BCAS3: variants seen among roughly 807,000 people sequenced by gnomAD.
BCAS3 encodes BCAS3 microtubule associated cell migration factor, also known as BCAS4/BCAS3 fusion.
In BCAS3, 53 loss-of-function variants were observed where a neutral mutation model predicts 116.1. That is an observed-to-expected ratio of 0.46 (90% CI 0.37 to 0.57). The LOEUF (loss-of-function observed/expected upper bound fraction) is 0.57, where lower values mean the gene tolerates loss of function less well. Ranked by LOEUF, BCAS3 falls within the 20% of genes least tolerant of loss-of-function variation. BCAS3 has a pLI of 0.00. For synonymous variants in BCAS3, 391 were observed against 408.2 expected, an observed-to-expected ratio of 0.96 and a Z score of 0.51; for missense variants, 917 against 1,165.4, an observed-to-expected ratio of 0.79 and a Z score of 3.10.
rs979862371 is a variant in BCAS3, at chr17:61,239,056, A to G, written c.2426-129271A>G. Among the ~76,000 whole-genome samples the G allele has an allele frequency of 4.6e-5, 7 of 152,248 alleles. No individual in the cohort carries two copies. The highest frequency in any genetic ancestry group is 1.2e-4 in the African/African-American group (5 of 41,476). On this transcript the variant is annotated intron_variant, in intron 22 of 23. Coordinates refer to ENST00000407086, the MANE Select transcript of BCAS3 (RefSeq NM_017679.5). The surrounding 1 kb of genome is among the most constrained non-coding windows in gnomAD (Gnocchi z 4.2). ...ATATTTTTAGCAATAGAAGCAATAT[A>G]GCATACCTTTGAGCCAGTTTTTCCT...
intron 5 of BCAS3, among the ~76,000 whole-genome samples, chr17:60,742,841 C>T (rs557208084): frequency 4.6e-5 from 7 of 151,378 alleles, no homozygotes; most frequent in African/African-American, 1.2e-4. Context: ...CGGCCAGGCA[C>T]GGTGGCTCAC....
chr17:61,309,459 C>A lies in BCAS3; in HGVS notation c.2426-58868C>A, dbSNP rs2054123825. Among the ~76,000 whole-genome samples the A allele has an allele frequency of 6.6e-6, 1 of 152,166 alleles. No homozygotes were observed. Among genetic ancestry groups the A allele is most frequent in the Non-Finnish European group, 1.5e-5 (1 of 68,040 alleles). On this transcript the variant is annotated intron_variant, in intron 22 of 23. Transcript: ENST00000407086. The surrounding 1 kb of genome is among the most constrained non-coding windows in gnomAD (Gnocchi z 4.6). ...CAGGAAGCCACCGACAGGGGCATAA[C>A]TGTGGACCTAAAGTGGACATCAGAG...
In BCAS3 at chr17:61,323,992, C is replaced by T. The variant is rs945126386; in HGVS notation, c.2426-44335C>T. ...GAGACGAGGTAAGAACTGTTAGTGT[C>T]TGTGAGATGTTTGGGGATTTCCAGC... On this transcript the variant is annotated intron_variant, in intron 22 of 23. Transcript: ENST00000407086. The surrounding 1 kb of genome is among the most constrained non-coding windows in gnomAD (Gnocchi z 4.6). Among the ~76,000 whole-genome samples the T allele has an allele frequency of 1.1e-4, 16 of 152,248 alleles. No homozygotes were observed. The highest frequency in any genetic ancestry group is 3.4e-4 in the African/African-American group (14 of 41,464).
Position 61,215,807 on chromosome 17 carries a change from C to A in BCAS3, c.2425+131243C>A, listed in dbSNP as rs974495348. On this transcript the variant is annotated intron_variant, in intron 22 of 23. Coordinates refer to ENST00000407086, the MANE Select transcript of BCAS3 (RefSeq NM_017679.5). This position sits in a 1 kb window ranked among gnomAD's most constrained non-coding sequence, Gnocchi z 4.8. ...ACTATATATTAGAATTCCTTGGAGA[C>A]CTTTTAAAAATTCCAGTTGAAGTTG... is the stretch of plus-strand genomic sequence containing the variant. 1.3e-5 allele frequency among the ~76,000 whole-genome samples: 2 copies of A among 152,128 alleles called. No individual in the cohort carries two copies. The highest frequency in any genetic ancestry group is 2.9e-5 in the Non-Finnish European group (2 of 68,020).
In BCAS3 at chr17:61,037,301, A is replaced by G. The variant is rs572057449; in HGVS notation, c.1763-588A>G. ...CATAATGTGGGACAAATTACATTGTAGACAAGTACAAAAGTCTATGAAGGA... is the reference window on the plus strand; with the variant it reads ...CATAATGTGGGACAAATTACATTGTGGACAAGTACAAAAGTCTATGAAGGA... On this transcript the variant is annotated intron_variant, in intron 17 of 23. Coordinates refer to ENST00000407086, the MANE Select transcript of BCAS3 (RefSeq NM_017679.5). This position sits in a 1 kb window ranked among gnomAD's most constrained non-coding sequence, Gnocchi z 4.7. Among the ~76,000 whole-genome samples the G allele has an allele frequency of 7.9e-5, 12 of 152,348 alleles. No individual in the cohort carries two copies. The highest frequency in any genetic ancestry group is 2.9e-4 in the African/African-American group (12 of 41,586).
chr17:60,969,061 G>C (rs2061814286), intron 14 of BCAS3, among the ~76,000 whole-genome samples: 1 of 152,038 alleles, frequency 6.6e-6, no homozygotes, highest in Non-Finnish European at 1.5e-5. Context: ...TACAGATCTG[G>C]AAGTCTGAAT....
Position 61,304,377 on chromosome 17 carries a change from A to G in BCAS3, c.2426-63950A>G, listed in dbSNP as rs115150316. On this transcript the variant is annotated intron_variant, in intron 22 of 23. Transcript: ENST00000407086. ...TGGTCAGGCTTCTGCCTGCCCCTGT[A>G]TCCACAGCTCTGACCACTTGCTGCC... Among the ~76,000 whole-genome samples, 1,058 of 152,320 alleles carry G rather than the reference A, an allele frequency of 6.9e-3. 12 individuals are homozygous for G. The highest frequency in any genetic ancestry group is 0.024 in the African/African-American group (998 of 41,576).
At chr17:60,893,641 C>G (rs1335636964) in intron 10 of BCAS3, among the ~76,000 whole-genome samples, 1 of 120,508 alleles carries the variant, frequency 8.3e-6, no homozygotes, top group African/African-American at 3.3e-5. Flanking sequence ...CAGAGTGTAG[C>G]TCTGTTGCCA....
intron 22 of BCAS3, among the ~76,000 whole-genome samples, chr17:61,242,971 G>T (rs796406329): frequency 2.4e-4 from 37 of 151,912 alleles, no homozygotes; most frequent in African/African-American, 8.9e-4. Context: ...GAGTGCAATG[G>T]TGCGATCTCG....
chr17:61,033,018 A>G (rs1681032390), intron 16 of BCAS3, among the ~76,000 whole-genome samples: 2 of 152,202 alleles, frequency 1.3e-5, no homozygotes, highest in African/African-American at 4.8e-5. Flanking sequence ...GCCTCAGGAA[A>G]TAAGATGTCT....
rs1265986794 is a variant in BCAS3, at chr17:61,180,162, A to G, written c.2425+95598A>G. ...TTTTGCCAAACATCATTAAGTCATT[A>G]GTGTAAGGGACTTGTTATGAAGGAC... On this transcript the variant is annotated intron_variant, in intron 22 of 23. Transcript: ENST00000407086. The surrounding 1 kb of genome is among the most constrained non-coding windows in gnomAD (Gnocchi z 6.0). Among the ~76,000 whole-genome samples, 1 of 152,122 alleles carries G rather than the reference A, an allele frequency of 6.6e-6. No individual in the cohort carries two copies. Among genetic ancestry groups the G allele is most frequent in the African/African-American group, 2.4e-5 (1 of 41,416 alleles).
intron 13 of BCAS3, among the ~76,000 whole-genome samples, chr17:60,942,699 T>C (rs2060288343): frequency 6.6e-6 from 1 of 152,188 alleles, no homozygotes; most frequent in African/African-American, 2.4e-5. Context: ...ACCTTATGTT[T>C]GCCAAAGAAA....
At chr17:60,932,252 C>G (rs1599772815) in intron 13 of BCAS3, among the ~76,000 whole-genome samples, 1 of 152,040 alleles carries the variant, frequency 6.6e-6, no homozygotes, top group East Asian at 1.9e-4. Context: ...ATTTTGTCCC[C>G]AAGTATTAGC....
chr17:60,987,842 C>G (rs1188317318), intron 14 of BCAS3, among the ~76,000 whole-genome samples: 1 of 152,084 alleles, frequency 6.6e-6, no homozygotes, highest in African/African-American at 2.4e-5. Flanking sequence ...ATTGCTCTGG[C>G]TAGGACTTCC....
At chr17:60,879,848 A>G (rs1182277203) in intron 9 of BCAS3, among the ~76,000 whole-genome samples, 12 of 152,264 alleles carry the variant, frequency 7.9e-5, no homozygotes, top group Admixed American at 7.8e-4. Context: ...TTAAGTTTTG[A>G]AAGAGGAGCT....
chr17:60,767,504 C>A (rs1207837765), intron 6 of BCAS3, among the ~76,000 whole-genome samples: 1 of 151,744 alleles, frequency 6.6e-6, no homozygotes, highest in East Asian at 1.9e-4. Flanking sequence ...ACCACCACTC[C>A]CGGCTAATTT....
intron 10 of BCAS3, among the ~76,000 whole-genome samples, chr17:60,896,791 C>A (rs7218029): frequency 0.31 from 47,151 of 151,784 alleles, 12,387 homozygotes; most frequent in African/African-American, 0.72. Flanking sequence ...GTTATTCTGT[C>A]TCTTTTAAGT....
Position 61,126,388 on chromosome 17 carries a change from G to A in BCAS3, c.2425+41824G>A, listed in dbSNP as rs140845084. The stretch of plus-strand genomic sequence containing the variant: ...AAAAAGAGCAGTGTATATGTGTCAT[G>A]TTATCGCACGTGAACCACTGCCTAT... On this transcript the variant is annotated intron_variant, in intron 22 of 23. Coordinates refer to ENST00000407086, the MANE Select transcript of BCAS3 (RefSeq NM_017679.5). This position sits in a 1 kb window ranked among gnomAD's most constrained non-coding sequence, Gnocchi z 4.6. 6.6e-6 allele frequency among the ~76,000 whole-genome samples: 1 copy of A among 152,150 alleles called. No homozygotes were observed. The highest frequency in any genetic ancestry group is 1.5e-5 in the Non-Finnish European group (1 of 67,992).
intron 22 of BCAS3, among the ~76,000 whole-genome samples, chr17:61,358,408 T>C (rs942002338): frequency 1.3e-5 from 2 of 152,170 alleles, no homozygotes; most frequent in Non-Finnish European, 2.9e-5. Flanking sequence ...AGCGTATTTA[T>C]GCATGACGGT....
Sources: gnomAD v4.1 joint callset for allele counts (sites outside exome capture counted in the v4.1 genomes callset) on GRCh38, gnomAD v4.1.1 for gene constraint, Gnocchi (gnomAD v3.1) non-coding constraint, MANE v1.5 for transcripts, NCBI Gene and HGNC (gene_info 2026-07-23, HGNC 2026-07-21) for gene names.